Variants in RGS6 observed in about 807,000 individuals in gnomAD.
RGS6 encodes the protein regulator of G protein signaling 6, also known as regulator of G-protein signaling 6.
In RGS6, 30 loss-of-function variants were observed where a neutral mutation model predicts 78.5. The ratio of observed to expected loss-of-function variants is 0.38; its 90% CI spans 0.29 to 0.52. The LOEUF (loss-of-function observed/expected upper bound fraction) is 0.52, where lower values mean the gene tolerates loss of function less well. RGS6 is among the 20% of genes least tolerant of loss of function. The pLI, the probability that RGS6 is intolerant of heterozygous loss-of-function variation, is 0.85. For missense variants in RGS6, 495 were observed against 609.7 expected (o/e 0.81, Z 1.98); for synonymous variants, 206 against 206.0 (o/e 1.00, Z 0.00).
chr14:72,142,408 G>C (rs1343927489), intron 2 of RGS6, among the ~76,000 whole-genome samples: 2 of 152,096 alleles, frequency 1.3e-5, no homozygotes, highest in Non-Finnish European at 2.9e-5. Context: ...ACTTTTCAGT[G>C]ATTAAAATAA....
At chr14:72,088,452 T>C (rs1324913774) in intron 2 of RGS6, among the ~76,000 whole-genome samples, 2 of 152,172 alleles carry the variant, frequency 1.3e-5, no homozygotes, top group Admixed American at 6.5e-5. Flanking sequence ...TCTGCTCTTC[T>C]TGGCAAAACA....
At chr14:72,400,611 G>A (rs1224159775) in intron 3 of RGS6, among the ~76,000 whole-genome samples, 7 of 152,158 alleles carry the variant, frequency 4.6e-5, no homozygotes, top group African/African-American at 1.7e-4. Context: ...TTGACATTGC[G>A]CTGATTCTGT....
chr14:72,116,963 CAAAAAAAAAAAAA>C (rs56397216), intron 2 of RGS6, among the ~76,000 whole-genome samples: 1 of 78,364 alleles, frequency 1.3e-5, no homozygotes, highest in Non-Finnish European at 2.3e-5. Flanking sequence ...GACTCCATCT[CAAAAAAAAAAAAA>C]AAAAAAAAAA....
At chr14:72,221,210 C>CA (rs1422540758) in intron 2 of RGS6, among the ~76,000 whole-genome samples, 2 of 152,056 alleles carry the variant, frequency 1.3e-5, no homozygotes, top group African/African-American at 2.4e-5. Flanking sequence ...TTTTACATAC[C>CA]AAAAAATCAC....
chr14:72,490,449 GC>G (rs1459542157), intron 12 of RGS6, among the ~76,000 whole-genome samples: 1 of 152,188 alleles, frequency 6.6e-6, no homozygotes, highest in Non-Finnish European at 1.5e-5. Flanking sequence ...GTGAAGCCTG[GC>G]CCCAGGGAAG....
intron 2 of RGS6, among the ~76,000 whole-genome samples, chr14:72,043,217 A>G (rs2092571626): frequency 6.6e-6 from 1 of 152,020 alleles, no homozygotes; most frequent in Admixed American, 6.6e-5. Flanking sequence ...TAATTGTCTT[A>G]TGTTATTGTG....
intron 3 of RGS6, among the ~76,000 whole-genome samples, chr14:72,449,550 C>G (rs149773023): frequency 6.8e-4 from 104 of 152,334 alleles, no homozygotes; most frequent in Non-Finnish European, 1.0e-3. Flanking sequence ...TTATGAGTGT[C>G]TGCCTGAAAC....
At chr14:72,025,968 C>T (rs981291178) in intron 2 of RGS6, among the ~76,000 whole-genome samples, 2 of 152,144 alleles carry the variant, frequency 1.3e-5, no homozygotes, top group Non-Finnish European at 2.9e-5. Context: ...AACAATTATT[C>T]ATTCAATAAT....
At chr14:72,082,734 GAAAA>G (rs993555586) in intron 2 of RGS6, among the ~76,000 whole-genome samples, 11 of 152,108 alleles carry the variant, frequency 7.2e-5, no homozygotes, top group African/African-American at 2.6e-4. Flanking sequence ...CAAATGATGG[GAAAA>G]AAACCGGAAG....
the RGS6 span, among the ~76,000 whole-genome samples, chr14:72,575,606 C>A: frequency 6.6e-6 from 1 of 152,136 alleles, no homozygotes. Context: ...CCTTTCTCCA[C>A]CACCTCCATC....
chr14:72,374,406 A>G (rs531196267), intron 3 of RGS6, among the ~76,000 whole-genome samples: 3 of 152,374 alleles, frequency 2.0e-5, no homozygotes, highest in East Asian at 3.9e-4. Flanking sequence ...ATGTCCCTAC[A>G]AAGGACGGCA....
At chr14:72,063,363 G>A (rs1402985256) in intron 2 of RGS6, among the ~76,000 whole-genome samples, 1 of 152,186 alleles carries the variant, frequency 6.6e-6, no homozygotes, top group Non-Finnish European at 1.5e-5. Context: ...GAGAGGTTGA[G>A]GGCCTGGGCT....
chr14:72,081,591 CTAAT>C (rs1021994586), intron 2 of RGS6, among the ~76,000 whole-genome samples: 33 of 152,038 alleles, frequency 2.2e-4, no homozygotes, highest in Non-Finnish European at 5.9e-5. Flanking sequence ...TGATGGTAGA[CTAAT>C]TATTTTCCCT....
At chr14:72,528,286 A>C (rs75677490) in intron 15 of RGS6, among the ~76,000 whole-genome samples, 66 of 152,274 alleles carry the variant, frequency 4.3e-4, no homozygotes, top group African/African-American at 1.6e-3. Flanking sequence ...CTCGGACTCT[A>C]TTGATTCTAG....
At chr14:72,411,467 C>G (rs1013875409) in intron 3 of RGS6, among the ~76,000 whole-genome samples, 10 of 152,184 alleles carry the variant, frequency 6.6e-5, no homozygotes, top group African/African-American at 2.2e-4. Flanking sequence ...AGATTTGGAG[C>G]TGAGATGATG....
the RGS6 span, among the ~76,000 whole-genome samples, chr14:71,901,617 C>T: frequency 2.6e-5 from 4 of 152,074 alleles, no homozygotes; most frequent in Non-Finnish European, 4.4e-5. Context: ...AATGGCTCCC[C>T]GTTGACATCC....
intron 2 of RGS6, among the ~76,000 whole-genome samples, chr14:72,094,782 G>C (rs1370353592): frequency 6.6e-6 from 1 of 152,176 alleles, no homozygotes; most frequent in African/African-American, 2.4e-5. Flanking sequence ...GAGTAGGAGA[G>C]ACAATAAATG....
intron 2 of RGS6, among the ~76,000 whole-genome samples, chr14:71,998,327 C>A (rs1286676541): frequency 6.6e-6 from 1 of 152,178 alleles, no homozygotes; most frequent in African/African-American, 2.4e-5. Context: ...CTAAGCAGTT[C>A]CCAGCTTGAC....
chr14:72,355,939 G>A (rs2152759123), intron 3 of RGS6, among the ~76,000 whole-genome samples: 1 of 152,264 alleles, frequency 6.6e-6, no homozygotes, highest in South Asian at 2.1e-4. Context: ...AAAATAAGGA[G>A]AGTGGGGATG....
Sources: gnomAD v4.1 joint callset for allele counts (sites outside exome capture counted in the v4.1 genomes callset) on GRCh38, gnomAD v4.1.1 for gene constraint, MANE v1.5 for transcripts, NCBI Gene and HGNC (gene_info 2026-07-23, HGNC 2026-07-21) for gene names.